The following IFITM5 variants were observed in gnomAD, a reference collection of about 807,000 sequenced individuals.
IFITM5 encodes interferon-induced transmembrane protein 5.
In IFITM5, 10 loss-of-function variants were observed where a neutral mutation model predicts 9.2. The ratio of observed to expected loss-of-function variants is 1.09; its 90% CI spans 0.67 to 1.85. The LOEUF (loss-of-function observed/expected upper bound fraction) is 1.85. Among genes scored for constraint, IFITM5 ranks in the 40% most tolerant of loss-of-function variants. The probability of loss-of-function intolerance (pLI) is 0.00; values close to 1 mark genes in which losing one functional copy is unlikely to be tolerated. For missense variants in IFITM5, 225 were observed against 182.6 expected (o/e 1.23, Z -1.34); for synonymous variants, 93 against 86.6 (o/e 1.07, Z -0.41).
At position 299,490 on chromosome 11, in the gene IFITM5, T is replaced by TG; in HGVS notation, c.-1dup. 2.0e-6 allele frequency: 3 copies of TG among 1,474,758 alleles called. No individual in the cohort carries two copies. Among genetic ancestry groups the TG allele is most frequent in the Non-Finnish European group, 1.8e-6 (2 of 1,111,498 alleles). The allele number at this position is 1,474,758 out of a possible 1,614,324, so 91.4% of individuals were successfully genotyped here. On this transcript the variant is annotated 5_prime_UTR_variant, in exon 1 of 2. Transcript: ENST00000382614. ...TCCTCGCGGGGATACGCCGTGTCCATGGGTTCCAGCGCCGTCTCTTCCACA... is the reference window on the plus strand; with the variant it reads ...TCCTCGCGGGGATACGCCGTGTCCATGGGGTTCCAGCGCCGTCTCTTCCACA...
In IFITM5 at chr11:298,548, A is replaced by G. The variant is rs748472389; in HGVS notation, c.352T>C (p.Ser118Pro). ...AACTTGGTGCTGAAGAAGGCGGCAG[A>G]GTCCTTGGCCAGCCGGGCCAGGTGC... ...ALHLARLAKD[S>P]AAFFSTKFDD... is the part of the protein sequence containing the mutation. Residue 118 changes from serine to proline, a missense_variant, in exon 2 of 2, where the codon TCT becomes CCT. Physicochemically the swap from Ser to Pro is moderately conservative, Grantham distance 74. Coordinates refer to ENST00000382614, the MANE Select transcript of IFITM5 (RefSeq NM_001025295.3). The G allele has an allele frequency of 1.9e-6, 3 of 1,612,978 alleles. No individual in the cohort carries two copies. In the South Asian group the frequency reaches 3.3e-5, roughly 18 times the overall value.
chr11:298,427 C>T lies in IFITM5; in HGVS notation c.*74G>A. 1 of 1,486,298 alleles carries T rather than the reference C, an allele frequency of 6.7e-7. No individual in the cohort carries two copies. 92.1% of individuals were successfully genotyped at this position (1,486,298 alleles called of 1,614,324 possible). ...GAAGGAGGGCCAGGCTCCGGGGAGT[C>T]AGTATTGGGCCCCAGGGGCAGCAGC... On this transcript the variant is annotated 3_prime_UTR_variant, in exon 2 of 2. Transcript: ENST00000382614.
chr11:298,864 C>G, intron 1 of IFITM5, 151 bp from the exon 2 acceptor site: 1 of 741,318 alleles, frequency 1.3e-6, no homozygotes, highest in Admixed American at 2.8e-5. Flanking sequence ...TCCTTGGGGC[C>G]CCAGCTATGG....
At chr11:299,273 TC>T (rs776030128) in intron 1 of IFITM5, 31 bp downstream of exon 1, 4 of 1,352,898 alleles carry the variant, frequency 3.0e-6, no homozygotes, top group East Asian at 3.1e-5. Flanking sequence ...TAGTGGAGCC[TC>T]CCCCGCAACC....
rs377123556 is a variant in IFITM5 at position 298,476 on chromosome 11, G to C, written c.*25C>G. ...GCCTGGGGTCAGTGTCCTGGGGCTA[G>C]TGCCCCAGATCAGGACCCAGCCTGT... On this transcript the variant is annotated 3_prime_UTR_variant, in exon 2 of 2. Transcript: ENST00000382614. 153 of 1,599,844 alleles carry C rather than the reference G, an allele frequency of 9.6e-5. 1 individual carries two copies. The highest frequency in any genetic ancestry group is 1.3e-4 in the Non-Finnish European group (151 of 1,173,924).
rs146230729 is a variant in IFITM5 at position 299,400 on chromosome 11, G to T, written c.91C>A (p.Pro31Thr). ...CAGATCAAGTGGTCTCGAGGCGGGGGGTGCGGGGCCCCCAGTGTGAGGGCT... is the reference window on the plus strand; with the variant it reads ...CAGATCAAGTGGTCTCGAGGCGGGGTGTGCGGGGCCCCCAGTGTGAGGGCT... ...HTALTLGAPH[P>T]PPRDHLIWSV... Residue 31 changes from proline (P) to threonine (T), a missense_variant, in exon 1 of 2, where the codon CCC becomes ACC. Coordinates refer to ENST00000382614, the MANE Select transcript of IFITM5 (RefSeq NM_001025295.3). The T allele has an allele frequency of 5.8e-4, 917 of 1,571,528 alleles. 2 individuals are homozygous for T. The African/African-American group carries it at 0.011, about 19-fold the overall frequency.
rs1845903285 is a variant in IFITM5, at chr11:299,382, A to T, written c.109T>A (p.Leu37Met). ...AGGGTGCTGAACACCGACCAGATCA[A>T]GTGGTCTCGAGGCGGGGGGTGCGGG... ...GAPHPPPRDH[L>M]IWSVFSTLYL... The change falls in exon 1 of 2, where the codon TTG (leucine) becomes ATG (methionine). Residue 37 changes from leucine to methionine, a missense_variant. Physicochemically the swap from Leu to Met is conservative, Grantham distance 15 (BLOSUM62 2). Coordinates refer to ENST00000382614, the MANE Select transcript of IFITM5 (RefSeq NM_001025295.3). 1.3e-6 allele frequency: 2 copies of T among 1,586,622 alleles called. No homozygotes were observed. The highest frequency in any genetic ancestry group is 4.7e-5 in the East Asian group (2 of 42,856).
chr11:298,775 C>G (rs1267449389), intron 1 of IFITM5, 62 bp from the exon 2 acceptor site: 1 of 1,479,244 alleles, frequency 6.8e-7, no homozygotes, highest in Non-Finnish European at 9.2e-7. Flanking sequence ...GGGGGCCCTT[C>G]CCCACCCACA....
chr11:298,246 T>C lies in IFITM5; in HGVS notation c.*255A>G. The stretch of plus-strand genomic sequence containing the variant: ...AATCGTGGAACCGAGGGGCCTGGAG[T>C]GTGAGGAGGGAGGGGCAGGATCGGG... On this transcript the variant is annotated 3_prime_UTR_variant, in exon 2 of 2. Transcript: ENST00000382614. The C allele has an allele frequency of 3.9e-6, 2 of 517,474 alleles. No individual in the cohort carries two copies. Among genetic ancestry groups the C allele is most frequent in the Non-Finnish European group, 6.9e-6 (2 of 287,796 alleles). The allele number at this position is 517,474 out of a possible 1,614,324, so 32.1% of individuals were successfully genotyped here.
In IFITM5 at chr11:298,219, T is replaced by C. The variant is rs1845887054; in HGVS notation, c.*282A>G. On this transcript the variant is annotated 3_prime_UTR_variant, in exon 2 of 2. Transcript: ENST00000382614. ...AGGCACTTTCTGGAACCAGGCACTT[T>C]TAATCGTGGAACCGAGGGGCCTGGA... 2.2e-6 allele frequency: 1 copy of C among 464,968 alleles called. No individual in the cohort carries two copies. The highest frequency in any genetic ancestry group is 3.9e-6 in the Non-Finnish European group (1 of 257,148). 28.8% of individuals were successfully genotyped at this position (464,968 alleles called of 1,614,324 possible).
rs778848693 is a variant in IFITM5 at position 299,427 on chromosome 11, T to C, written c.64A>G (p.Thr22Ala). The C allele has an allele frequency of 6.5e-7, 1 of 1,548,242 alleles. No homozygotes were observed. Among genetic ancestry groups the C allele is most frequent in the Non-Finnish European group, 8.7e-7 (1 of 1,147,972 alleles). ...TGCGGGGCCCCCAGTGTGAGGGCTG[T>C]GTGGGCACCGGCCTTGCTGGGCGTG... ...APTPSKAGAH[T>A]ALTLGAPHPP... is the part of the protein sequence containing the mutation. Residue 22 changes from threonine to alanine, a missense_variant, in exon 1 of 2, where the codon ACA (threonine) becomes GCA (alanine). By Grantham distance (58) the Thr-to-Ala change is moderately conservative (BLOSUM62 0). Coordinates refer to ENST00000382614, the MANE Select transcript of IFITM5 (RefSeq NM_001025295.3).
rs774773661 is a variant in IFITM5, at chr11:299,395, C to CG, written c.95dup (p.Pro33AlafsTer39). 4 of 1,566,860 alleles carry CG rather than the reference C, an allele frequency of 2.6e-6. No homozygotes were observed. Among genetic ancestry groups the CG allele is most frequent in the East Asian group, 4.8e-5 (2 of 41,816 alleles). On this transcript the variant is annotated frameshift_variant, in exon 1 of 2. Transcript: ENST00000382614. LOFTEE classifies it high-confidence loss of function. ...CCGACCAGATCAAGTGGTCTCGAGG[C>CG]GGGGGGTGCGGGGCCCCCAGTGTGA... is the stretch of plus-strand genomic sequence containing the variant.
At chr11:298,858 T>TG in intron 1 of IFITM5, 145 bp from the exon 2 acceptor site, 1 of 792,608 alleles carries the variant, frequency 1.3e-6, no homozygotes, top group East Asian at 2.7e-5. Context: ...AGATACTCCT[T>TG]GGGGCCCCAG....
In IFITM5 at chr11:298,313, C is replaced by T; in HGVS notation, c.*188G>A. On this transcript the variant is annotated 3_prime_UTR_variant, in exon 2 of 2. Coordinates refer to ENST00000382614, the MANE Select transcript of IFITM5 (RefSeq NM_001025295.3). ...GGGAACTCTCGGGTTAGGGTGAAGA[C>T]CCCGGGGTCTGACTGGTTCAGCCTT... The T allele has an allele frequency of 1.6e-6, 1 of 631,018 alleles. No individual in the cohort carries two copies. The highest frequency in any genetic ancestry group is 2.7e-6 in the Non-Finnish European group (1 of 365,456). The allele number at this position is 631,018 out of a possible 1,614,324, so 39.1% of individuals were successfully genotyped here. A position where few individuals can be genotyped will look rare whatever the true frequency, so the allele number is the denominator to read the frequency against.
chr11:298,742 A>G (rs752549056), intron 1 of IFITM5, 29 bp from the exon 2 acceptor site: 7 of 1,602,310 alleles, frequency 4.4e-6, no homozygotes, highest in Non-Finnish European at 6.0e-6. Flanking sequence ...ACAGGGCCAG[A>G]TCTCTATGTG....
rs374800601 is a variant in IFITM5, at chr11:299,424, C to T, written c.67G>A (p.Ala23Thr). The T allele has an allele frequency of 1.0e-5, 16 of 1,549,454 alleles. No homozygotes were observed. Among genetic ancestry groups the T allele is most frequent in the Admixed American group, 4.0e-5 (2 of 50,312 alleles). ...GGGTGCGGGGCCCCCAGTGTGAGGG[C>T]TGTGTGGGCACCGGCCTTGCTGGGC... ...PTPSKAGAHT[A>T]LTLGAPHPPP... is the part of the protein sequence containing the mutation. Residue 23 changes from alanine to threonine, a missense_variant, in exon 1 of 2, where the codon GCC becomes ACC. By Grantham distance (58) the Ala-to-Thr change is moderately conservative. Transcript: ENST00000382614.
In IFITM5 at chr11:298,347, A is replaced by G. The variant is rs1845888420; in HGVS notation, c.*154T>C. ...CTGACTGGTTCAGCCTTAGGTGCCC[A>G]TGTTGGGGCTGGAGGGCCCCAGGAT... On this transcript the variant is annotated 3_prime_UTR_variant, in exon 2 of 2. Transcript: ENST00000382614. 3.8e-6 allele frequency: 3 copies of G among 789,724 alleles called. No homozygotes were observed. The highest frequency in any genetic ancestry group is 1.8e-5 in the South Asian group (1 of 54,978). 48.9% of individuals were successfully genotyped at this position (789,724 alleles called of 1,614,324 possible).
rs568880098 is a variant in IFITM5 at position 299,457 on chromosome 11, C to A, written c.34G>T (p.Ala12Ser). Residue 12 changes from alanine to serine, a missense_variant, in exon 1 of 2, where the codon GCC becomes TCC. By Grantham distance (99) the Ala-to-Ser change is moderately conservative (BLOSUM62 1). Coordinates refer to ENST00000382614, the MANE Select transcript of IFITM5 (RefSeq NM_001025295.3). ...DTAYPREDTR[A>S]PTPSKAGAHT... ...GCACCGGCCTTGCTGGGCGTGGGGG[C>A]CCGGGTGTCCTCGCGGGGATACGCC... is the stretch of plus-strand genomic sequence containing the variant. 351 of 1,517,856 alleles carry A rather than the reference C, an allele frequency of 2.3e-4. 4 individuals carry two copies. The South Asian group carries it at 4.2e-3, about 18-fold the overall frequency. The allele number at this position is 1,517,856 out of a possible 1,614,324, so 94.0% of individuals were successfully genotyped here.
In IFITM5 at chr11:299,349, T is replaced by C. The variant is rs1295997813; in HGVS notation, c.142A>G (p.Asn48Asp). The C allele has an allele frequency of 1.9e-6, 3 of 1,602,308 alleles. No individual in the cohort carries two copies. The highest frequency in any genetic ancestry group is 2.6e-6 in the Non-Finnish European group (3 of 1,174,814). The part of the protein sequence containing the change: ...IWSVFSTLYL[N>D]LCCLGFLALA... ...GCCAGGAAGCCGAGGCAACACAGATTCAGGTAGAGGGTGCTGAACACCGAC... is the reference window on the plus strand; with the variant it reads ...GCCAGGAAGCCGAGGCAACACAGATCCAGGTAGAGGGTGCTGAACACCGAC... The change falls in exon 1 of 2, where the codon AAT becomes GAT. Residue 48 changes from asparagine (N) to aspartate (D), a missense_variant. Coordinates refer to ENST00000382614, the MANE Select transcript of IFITM5 (RefSeq NM_001025295.3).
Sources: allele counts gnomAD v4.1 joint callset, GRCh38; gene constraint gnomAD v4.1.1; transcripts MANE v1.5; gene names NCBI Gene and HGNC (gene_info 2026-07-23, HGNC 2026-07-21).